The following ARMH3 variants were observed in gnomAD, a reference collection of about 807,000 sequenced individuals.
ARMH3 encodes the protein armadillo-like helical domain-containing protein 3.
ARMH3 carries 60 observed loss-of-function variants against 99.1 expected under a neutral mutation model. That is an observed-to-expected ratio of 0.61 (90% CI 0.49 to 0.75). The LOEUF (loss-of-function observed/expected upper bound fraction) is 0.75, where lower values mean the gene tolerates loss of function less well. Among genes scored for constraint, ARMH3 ranks in the 30% least tolerant of loss-of-function variants. The pLI, the probability that ARMH3 is intolerant of heterozygous loss-of-function variation, is 0.00. For missense variants in ARMH3, 679 were observed against 843.1 expected, an observed-to-expected ratio of 0.81 and a Z score of 2.41; for synonymous variants, 285 against 292.8, an observed-to-expected ratio of 0.97 and a Z score of 0.27.
intron 1 of ARMH3, among the ~76,000 whole-genome samples, chr10:102,054,409 G>A (rs989736324): frequency 2.0e-5 from 3 of 150,666 alleles, no homozygotes; most frequent in African/African-American, 7.3e-5. Context: ...AAAAAAAGTT[G>A]AACAATAAAT....
chr10:101,973,120 GGAGGCC>G (rs563311052), intron 20 of ARMH3, among the ~76,000 whole-genome samples: 129 of 152,240 alleles, frequency 8.5e-4, no homozygotes, highest in South Asian at 6.0e-3. Context: ...TAGCACTTTG[GGAGGCC>G]GAGGTGGGCG....
At position 102,042,946 on chromosome 10, in the gene ARMH3, C is replaced by T. The variant is rs549688218; in HGVS notation, c.-11-2821G>A. Among the ~76,000 whole-genome samples the T allele has an allele frequency of 2.6e-5, 4 of 152,300 alleles. No homozygotes were observed. The South Asian group carries it at 8.3e-4, about 32-fold the overall frequency. On this transcript the variant is annotated intron_variant, in intron 1 of 25. Transcript: ENST00000370033. ...AATTAGCCAGGCATGATGGCTCATGCCTGTAATCCCAGCCACTCAGGAGGC... is the reference window on the plus strand; with the variant it reads ...AATTAGCCAGGCATGATGGCTCATGTCTGTAATCCCAGCCACTCAGGAGGC...
At chr10:102,004,946 T>C (rs1416731920) in intron 14 of ARMH3, among the ~76,000 whole-genome samples, 3 of 152,154 alleles carry the variant, frequency 2.0e-5, no homozygotes, top group Non-Finnish European at 4.4e-5. Context: ...GGCTCACGCC[T>C]GTAATCCCAG....
intron 24 of ARMH3, among the ~76,000 whole-genome samples, chr10:101,858,109 T>C (rs1253819530): frequency 6.6e-6 from 1 of 152,248 alleles, no homozygotes; most frequent in Non-Finnish European, 1.5e-5. Context: ...AAACCCATAT[T>C]CTTCCAAATT....
chr10:102,011,613 G>A, intron 11 of ARMH3, 110 bp downstream of exon 11: 2 of 839,790 alleles, frequency 2.4e-6, no homozygotes, highest in Non-Finnish European at 3.7e-6. Context: ...CCTCTCTCTT[G>A]TCATCATGCC....
At chr10:101,949,715 CA>C (rs1327628689) in intron 22 of ARMH3, among the ~76,000 whole-genome samples, 1 of 152,116 alleles carries the variant, frequency 6.6e-6, no homozygotes, top group Non-Finnish European at 1.5e-5. Context: ...CTTCCCAATT[CA>C]TATTATGAGG....
chr10:101,973,855 T>C (rs1845879313), intron 20 of ARMH3, among the ~76,000 whole-genome samples: 1 of 152,228 alleles, frequency 6.6e-6, no homozygotes, highest in Non-Finnish European at 1.5e-5. Flanking sequence ...TGTGTACTTA[T>C]TATAAATCCA....
At chr10:101,864,984 A>G (rs2066965162) in intron 24 of ARMH3, among the ~76,000 whole-genome samples, 1 of 152,052 alleles carries the variant, frequency 6.6e-6, no homozygotes, top group Non-Finnish European at 1.5e-5. Flanking sequence ...TGGGAGGCCG[A>G]GGCGGGCAGA....
At chr10:102,025,616 A>G (rs773349720) in intron 5 of ARMH3, among the ~76,000 whole-genome samples, 9 of 152,166 alleles carry the variant, frequency 5.9e-5, no homozygotes, top group Admixed American at 1.3e-4. Flanking sequence ...CCTAATGGTT[A>G]AATAATTGTA....
intron 2 of ARMH3, among the ~76,000 whole-genome samples, chr10:102,035,039 C>A (rs1045388493): frequency 5.3e-5 from 8 of 152,006 alleles, no homozygotes; most frequent in Admixed American, 5.2e-4. Context: ...GAGTTTGAGA[C>A]CAGCCTGGCG....
chr10:102,039,025 G>A (rs980724195), intron 2 of ARMH3, among the ~76,000 whole-genome samples: 5 of 151,958 alleles, frequency 3.3e-5, no homozygotes, highest in Non-Finnish European at 7.4e-5. Flanking sequence ...ACAGGCATGG[G>A]CCACTACACC....
intron 23 of ARMH3, among the ~76,000 whole-genome samples, chr10:101,913,894 A>G (rs1275904162): frequency 6.6e-6 from 1 of 152,198 alleles, no homozygotes; most frequent in Non-Finnish European, 1.5e-5. Context: ...AAGTATAGCT[A>G]TTCTGGTCAC....
At chr10:101,888,065 T>G (rs1034522318) in intron 24 of ARMH3, among the ~76,000 whole-genome samples, 16 of 151,410 alleles carry the variant, frequency 1.1e-4, no homozygotes, top group Admixed American at 1.1e-3. Flanking sequence ...TCTCCTTTTT[T>G]TTTTTTTTAA....
intron 8 of ARMH3, among the ~76,000 whole-genome samples, chr10:102,017,337 CATTA>C (rs1182985201): frequency 6.6e-6 from 1 of 152,232 alleles, no homozygotes; most frequent in Non-Finnish European, 1.5e-5. Flanking sequence ...TTGCCCACTA[CATTA>C]ATTCTTCTGG....
intron 22 of ARMH3, among the ~76,000 whole-genome samples, chr10:101,944,402 G>A (rs1384088220): frequency 6.8e-6 from 1 of 147,346 alleles, no homozygotes; most frequent in East Asian, 2.0e-4. Flanking sequence ...CACATTTGAT[G>A]AAAACTAAAA....
At chr10:101,987,424 A>C (rs774667921) in intron 19 of ARMH3, among the ~76,000 whole-genome samples, 6 of 152,098 alleles carry the variant, frequency 3.9e-5, no homozygotes, top group Admixed American at 6.6e-5. Flanking sequence ...ACTCTATACA[A>C]ATCTTTCCTC....
intron 19 of ARMH3, among the ~76,000 whole-genome samples, chr10:101,989,756 T>C (rs1264649950): frequency 1.3e-5 from 2 of 152,134 alleles, no homozygotes; most frequent in Non-Finnish European, 2.9e-5. Context: ...AAAACTGTGA[T>C]GGTCAAACAG....
At chr10:101,985,252 A>G (rs548811720) in intron 19 of ARMH3, among the ~76,000 whole-genome samples, 34 of 148,550 alleles carry the variant, frequency 2.3e-4, no homozygotes, top group Non-Finnish European at 4.3e-4. Context: ...ATACGTGTGT[A>G]TATATATGTG....
chr10:101,955,130 C>T (rs1160758070), intron 22 of ARMH3, among the ~76,000 whole-genome samples: 1 of 152,188 alleles, frequency 6.6e-6, no homozygotes, highest in East Asian at 1.9e-4. Flanking sequence ...GTAACCTGAG[C>T]ACATCTAGCC....
Sources: gnomAD v4.1 joint callset for allele counts (sites outside exome capture counted in the v4.1 genomes callset) on GRCh38, gnomAD v4.1.1 for gene constraint, MANE v1.5 for transcripts, NCBI Gene and HGNC (gene_info 2026-07-23, HGNC 2026-07-21) for gene names.